Variants in LRRC17 observed in about 807,000 individuals in gnomAD.
LRRC17 encodes the protein leucine-rich repeat-containing protein 17.
Under a neutral mutation model 41.5 loss-of-function variants are expected in LRRC17, and 33 were observed. The ratio of observed to expected loss-of-function variants is 0.80; its 90% confidence interval spans 0.60 to 1.06. The LOEUF (loss-of-function observed/expected upper bound fraction) is 1.06, where lower values mean the gene tolerates loss of function less well. Among genes scored for constraint, LRRC17 ranks in the 50% least tolerant of loss-of-function variants. LRRC17 has a pLI of 0.00. For missense variants in LRRC17, 491 were observed against 519.3 expected (o/e 0.95, Z 0.53); for synonymous variants, 192 against 197.0 (o/e 0.97, Z 0.21).
At chr7:102,939,389 C>T (rs771108621) in intron 2 of LRRC17, 41 bp from the exon 3 acceptor site, 1 of 1,546,090 alleles carries the variant, frequency 6.5e-7, no homozygotes, top group Admixed American at 1.8e-5. Flanking sequence ...GAAATGGGGG[C>T]AAAAAGAGCA....
Position 102,944,403 on chromosome 7 carries a change from T to C in LRRC17, c.1122T>C (p.Asn374=). The C allele has an allele frequency of 1.2e-6, 2 of 1,614,054 alleles. No individual in the cohort carries two copies. Among genetic ancestry groups the C allele is most frequent in the Non-Finnish European group, 1.7e-6 (2 of 1,179,938 alleles). ...AGCACCACTACAATGTCCATTTTAATGGCCTGGAATGCAAAACGCCTGAAG... is the reference window on the plus strand; with the variant it reads ...AGCACCACTACAATGTCCATTTTAACGGCCTGGAATGCAAAACGCCTGAAG... ...WLKHHYNVHF[N]GLECKTPEEY... is the part of the protein sequence containing the mutation. The change falls in exon 4 of 4, where the codon AAT becomes AAC. Residue 374 remains asparagine (N), a synonymous_variant. Coordinates refer to ENST00000339431, the MANE Select transcript of LRRC17 (RefSeq NM_001031692.3).
rs1318359427 is a variant in LRRC17 at position 102,934,288 on chromosome 7, C to G, written c.375C>G (p.Phe125Leu). 42 of 1,614,128 alleles carry G rather than the reference C, an allele frequency of 2.6e-5. No individual in the cohort carries two copies. Among genetic ancestry groups the G allele is most frequent in the Non-Finnish European group, 3.6e-5 (42 of 1,180,014 alleles). The change falls in exon 2 of 4, where the codon TTC becomes TTG. Residue 125 changes from phenylalanine (F) to leucine (L), a missense_variant. By Grantham distance (22) the Phe-to-Leu change is conservative. Transcript: ENST00000339431. ...NEISKIESEA[F>L]FGLNKLTTLL... Reference sequence around the variant, plus strand: ...TCTCTAAAATTGAGAGTGAGGCGTTCTTTGGTTTAAACAAACTCACCACCC... The same window carrying G: ...TCTCTAAAATTGAGAGTGAGGCGTTGTTTGGTTTAAACAAACTCACCACCC...
chr7:102,922,748 G>A (rs886662965), intron 1 of LRRC17, among the ~76,000 whole-genome samples: 4 of 152,056 alleles, frequency 2.6e-5, no homozygotes, highest in African/African-American at 7.2e-5. Flanking sequence ...CGAGGCGGGC[G>A]GATCACGAGG....
intron 1 of LRRC17, among the ~76,000 whole-genome samples, chr7:102,922,168 C>T (rs988350874): frequency 2.7e-5 from 4 of 145,602 alleles, no homozygotes; most frequent in African/African-American, 7.7e-5. Context: ...CCAGCCTGGG[C>T]GACAGAGGAA....
intron 1 of LRRC17, among the ~76,000 whole-genome samples, chr7:102,925,065 T>C (rs1360520620): frequency 6.6e-6 from 1 of 152,230 alleles, no homozygotes; most frequent in African/African-American, 2.4e-5. Context: ...TCTCTCCTAG[T>C]GTGATCATAT....
chr7:102,944,539 G>C lies in LRRC17; in HGVS notation c.1258G>C (p.Glu420Gln). 1.9e-6 allele frequency: 3 copies of C among 1,611,492 alleles called. No individual in the cohort carries two copies. Among genetic ancestry groups the C allele is most frequent in the Non-Finnish European group, 2.5e-6 (3 of 1,179,232 alleles). The change falls in exon 4 of 4, where the codon GAA becomes CAA. Residue 420 changes from glutamate (E) to glutamine (Q), a missense_variant. Glu to Gln is a conservative substitution (Grantham distance 29). Transcript: ENST00000339431. ...ATTTGACCAAGACACAGAAGATGATGAATGGGAAAAAAAACATAGAGATCA... is the reference window on the plus strand; with the variant it reads ...ATTTGACCAAGACACAGAAGATGATCAATGGGAAAAAAAACATAGAGATCA... Reference protein sequence around the residue: ...ESFDQDTEDDEWEKKHRDHTA... With the variant: ...ESFDQDTEDDQWEKKHRDHTA...
intron 1 of LRRC17, among the ~76,000 whole-genome samples, chr7:102,916,928 A>G (rs847650): frequency 0.02 from 3,108 of 152,070 alleles, 130 homozygotes; most frequent in African/African-American, 0.071. Flanking sequence ...TTTTTCCATT[A>G]AAGAATTGAA....
intron 3 of LRRC17, among the ~76,000 whole-genome samples, chr7:102,943,791 C>T (rs1418751787): frequency 6.6e-6 from 1 of 152,138 alleles, no homozygotes; most frequent in East Asian, 1.9e-4. Flanking sequence ...CTAACTTTAC[C>T]TGGTAAATGG....
chr7:102,922,690 T>C (rs1817288389), intron 1 of LRRC17, among the ~76,000 whole-genome samples: 1 of 152,124 alleles, frequency 6.6e-6, no homozygotes, highest in Non-Finnish European at 1.5e-5. Flanking sequence ...TAAAGAATGA[T>C]GACTGGGCGT....
rs1254866529 is a variant in LRRC17 at position 102,944,203 on chromosome 7, T to C, written c.929-7T>C. ...ACTCAGGCTCAATAAATATTTTCTG[T>C]TTCCAGCCGCTTTTTTAGGGCTCAC... On this transcript the variant is annotated splice_region_variant and splice_polypyrimidine_tract_variant and intron_variant, in intron 3 of 3. Coordinates refer to ENST00000339431, the MANE Select transcript of LRRC17 (RefSeq NM_001031692.3). The C allele has an allele frequency of 3.1e-6, 5 of 1,591,216 alleles. No individual in the cohort carries two copies. The African/African-American group carries it at 5.4e-5, about 17-fold the overall frequency.
At chr7:102,919,144 C>A (rs1026032654) in intron 1 of LRRC17, among the ~76,000 whole-genome samples, 1 of 152,190 alleles carries the variant, frequency 6.6e-6, no homozygotes, top group African/African-American at 2.4e-5. Flanking sequence ...AGCTTAAAAT[C>A]GGCCACAGTG....
rs943163257 is a variant in LRRC17, at chr7:102,945,035, T to C, written c.*428T>C. 9.1e-5 allele frequency: 14 copies of C among 153,686 alleles called. No homozygotes were observed. The highest frequency in any genetic ancestry group is 2.9e-5 in the Non-Finnish European group (2 of 69,130). The allele number at this position is 153,686 out of a possible 1,614,324, so 9.5% of individuals were successfully genotyped here. A position where few individuals can be genotyped will look rare whatever the true frequency, so the allele number is the denominator to read the frequency against. ...GCTGTTATAATAAAATGTCATTCCC[T>C]ACCCCTCTACTTTTTTTCAGTAAGT... On this transcript the variant is annotated 3_prime_UTR_variant, in exon 4 of 4. Coordinates refer to ENST00000339431, the MANE Select transcript of LRRC17 (RefSeq NM_001031692.3).
At chr7:102,943,714 A>T (rs1821915803) in intron 3 of LRRC17, among the ~76,000 whole-genome samples, 1 of 152,210 alleles carries the variant, frequency 6.6e-6, no homozygotes, top group African/African-American at 2.4e-5. Flanking sequence ...ATACGTTTTC[A>T]GGACAAGCAA....
chr7:102,942,575 T>C (rs1821667083), intron 3 of LRRC17, among the ~76,000 whole-genome samples: 1 of 152,232 alleles, frequency 6.6e-6, no homozygotes, highest in African/African-American at 2.4e-5. Flanking sequence ...CATATGCTTT[T>C]AATCTCAAAG....
intron 1 of LRRC17, among the ~76,000 whole-genome samples, chr7:102,918,289 T>C (rs2129469935): frequency 6.6e-6 from 1 of 152,318 alleles, no homozygotes; most frequent in South Asian, 2.1e-4. Flanking sequence ...ATTCTGAATA[T>C]TCTCTCAATG....
Position 102,933,780 on chromosome 7 carries a change from G to A in LRRC17, c.-134G>A, listed in dbSNP as rs1585013895. 1.4e-5 allele frequency: 12 copies of A among 847,868 alleles called. No individual in the cohort carries two copies. The East Asian group carries it at 2.7e-4, about 19-fold the overall frequency. The allele number at this position is 847,868 out of a possible 1,614,324, so 52.5% of individuals were successfully genotyped here. A position where few individuals can be genotyped will look rare whatever the true frequency, so the allele number is the denominator to read the frequency against. On this transcript the variant is annotated 5_prime_UTR_variant, in exon 2 of 4. Coordinates refer to ENST00000339431, the MANE Select transcript of LRRC17 (RefSeq NM_001031692.3). ...ATATTTTTTTCTCTTCCAGCCTAGG[G>A]ACTCCACGTACCCCAGCTGGGTCTC... is the stretch of plus-strand genomic sequence containing the variant.
chr7:102,932,811 G>C (rs1819480062), intron 1 of LRRC17, among the ~76,000 whole-genome samples: 1 of 152,060 alleles, frequency 6.6e-6, no homozygotes, highest in Admixed American at 6.5e-5. Context: ...GTTTCCCCAT[G>C]CTGCTCAGAC....
At chr7:102,916,868 C>A (rs921810360) in intron 1 of LRRC17, among the ~76,000 whole-genome samples, 1 of 151,702 alleles carries the variant, frequency 6.6e-6, no homozygotes, top group African/African-American at 2.4e-5. Flanking sequence ...AGAGAAATTA[C>A]AATTCTTATA....
Position 102,913,111 on chromosome 7 carries a change from T to C in LRRC17, c.-175T>C. 6.2e-7 allele frequency: 1 copy of C among 1,614,148 alleles called. No homozygotes were observed. Among genetic ancestry groups the C allele is most frequent in the Non-Finnish European group, 8.5e-7 (1 of 1,180,020 alleles). ...CTGGGTGCAGCCAGAGAGGTCCAGA[T>C]AGATGAGCTTGTGGCATCCATTCCC... On this transcript the variant is annotated 5_prime_UTR_variant, in exon 1 of 4. Transcript: ENST00000339431.
Sources: gnomAD v4.1 joint callset for allele counts (sites outside exome capture counted in the v4.1 genomes callset) on GRCh38, gnomAD v4.1.1 for gene constraint, MANE v1.5 for transcripts, NCBI Gene and HGNC (gene_info 2026-07-23, HGNC 2026-07-21) for gene names.